The following GPR137 variants were observed in gnomAD, a reference collection of about 807,000 sequenced individuals.
GPR137 encodes integral membrane protein GPR137.
A neutral mutation model predicts 38.9 loss-of-function variants in GPR137; 20 were observed. The observed-to-expected ratio is 0.51, with a 90% CI of 0.36 to 0.75. GPR137 has a LOEUF of 0.75. Among genes scored for constraint, GPR137 ranks in the 30% least tolerant of loss-of-function variants. The pLI is 0.00. For missense variants in GPR137, 456 were observed against 526.4 expected, an observed-to-expected ratio of 0.87 and a Z score of 1.31; for synonymous variants, 226 against 235.8, an observed-to-expected ratio of 0.96 and a Z score of 0.38.
rs965128401 is a variant in GPR137 at position 64,289,458 on chromosome 11, G to A, written c.*262G>A. On this transcript the variant is annotated 3_prime_UTR_variant, in exon 7 of 7. Transcript: ENST00000438980. The stretch of plus-strand genomic sequence containing the variant: ...CACACCGGAGCCAGCTACCTCTCCT[G>A]TGCCTGCCACTCAATAAACAGTGTC... 12 of 1,501,132 alleles carry A rather than the reference G, an allele frequency of 8.0e-6. No individual in the cohort carries two copies. The highest frequency in any genetic ancestry group is 5.3e-6 in the Non-Finnish European group (6 of 1,131,284). The allele number at this position is 1,501,132 out of a possible 1,614,324, so 93.0% of individuals were successfully genotyped here.
At chr11:64,280,357 A>AATT (rs1555069790), upstream of GPR137, among the ~76,000 whole-genome samples, 2 of 134,910 alleles carry the variant, frequency 1.5e-5, no homozygotes, top group Non-Finnish European at 1.6e-5. Flanking sequence ...TAATAATAAT[A>AATT]ATTTTTTTTT....
chr11:64,285,746 C>G, upstream of GPR137: 1 of 985,352 alleles, frequency 1.0e-6, no homozygotes, highest in Non-Finnish European at 1.2e-6. Context: ...AATTCTCGTA[C>G]GGTTTCACGC....
chr11:64,287,604 A>C (rs1016868549), intron 2 of GPR137, 117 bp from the exon 3 acceptor site: 3 of 1,533,466 alleles, frequency 2.0e-6, no homozygotes, highest in Non-Finnish European at 2.6e-6. Flanking sequence ...GTGGAGGAAC[A>C]GGGCTCAGAC....
upstream of GPR137, among the ~76,000 whole-genome samples, chr11:64,280,869 A>C (rs181635142): frequency 1.7e-4 from 25 of 148,448 alleles, no homozygotes; most frequent in African/African-American, 5.5e-4. Flanking sequence ...GATTTCACCA[A>C]GTTGGCCAGG....
Position 64,288,563 on chromosome 11 carries a change from C to T in GPR137, c.913-40C>T. 1.2e-6 allele frequency: 2 copies of T among 1,613,080 alleles called. No individual in the cohort carries two copies. Among genetic ancestry groups the T allele is most frequent in the Non-Finnish European group, 1.7e-6 (2 of 1,179,454 alleles). The stretch of plus-strand genomic sequence containing the variant: ...TGGGGTTGGGCCTGGGAGGCCAGTG[C>T]AGGACAGGAGTAAGTATCGATGATG... On this transcript the variant is annotated intron_variant, in intron 5 of 6. Transcript: ENST00000438980. The surrounding 1 kb of genome is among the most constrained non-coding windows in gnomAD (Gnocchi z 5.5).
chr11:64,273,742 C>T (rs926678372), upstream of GPR137, among the ~76,000 whole-genome samples: 6 of 150,268 alleles, frequency 4.0e-5, no homozygotes, highest in Non-Finnish European at 8.9e-5. Flanking sequence ...ATTAGCCAGG[C>T]GCGGTGGCAG....
rs2033958764 is a variant in GPR137 at position 64,285,934 on chromosome 11, G to A, written c.-591G>A. ...TCAGCGGCCTGAGGACCTGGCGTCC[G>A]CCTCCTCCCTCCCCTTGAGGCTGGA... On this transcript the variant is annotated 5_prime_UTR_variant, in exon 1 of 7. Transcript: ENST00000438980. 2.1e-6 allele frequency: 2 copies of A among 961,090 alleles called. No individual in the cohort carries two copies. The highest frequency in any genetic ancestry group is 2.5e-6 in the Non-Finnish European group (2 of 807,788). 59.5% of individuals were successfully genotyped at this position (961,090 alleles called of 1,614,324 possible).
intron 1 of GPR137, among the ~76,000 whole-genome samples, chr11:64,276,180 C>T (rs1196204370): frequency 1.3e-5 from 2 of 152,054 alleles, no homozygotes; most frequent in East Asian, 3.9e-4. Flanking sequence ...AGTTTTTCAC[C>T]AAATTCGTGG....
Position 64,286,128 on chromosome 11 carries a change from C to T in GPR137, c.-397C>T, listed in dbSNP as rs1225599243. The T allele has an allele frequency of 5.2e-5, 53 of 1,013,898 alleles. No individual in the cohort carries two copies. Among genetic ancestry groups the T allele is most frequent in the Non-Finnish European group, 6.1e-5 (52 of 849,038 alleles). The allele number at this position is 1,013,898 out of a possible 1,614,324, so 62.8% of individuals were successfully genotyped here. On this transcript the variant is annotated 5_prime_UTR_variant, in exon 1 of 7. Transcript: ENST00000438980. ...CCCTCGCAGCGGCCGCTGCCCTGAC[C>T]CGACGGGTATCAGCCGGCTCTCCCC...
Position 64,286,358 on chromosome 11 carries a change from G to A in GPR137, c.-167G>A. The A allele has an allele frequency of 7.1e-7, 1 of 1,410,912 alleles. No homozygotes were observed. The highest frequency in any genetic ancestry group is 2.6e-4 in the Middle Eastern group (1 of 3,808). 87.4% of individuals were successfully genotyped at this position (1,410,912 alleles called of 1,614,324 possible). On this transcript the variant is annotated 5_prime_UTR_variant, in exon 1 of 7. Coordinates refer to ENST00000438980, the MANE Select transcript of GPR137 (RefSeq NM_001170880.2). ...GCTGCCTGTGTTCCCCAAGGGCAAGGGTCTCTCTGTTGAGGAGGAGGGGCC... is the reference window on the plus strand; with the variant it reads ...GCTGCCTGTGTTCCCCAAGGGCAAGAGTCTCTCTGTTGAGGAGGAGGGGCC...
chr11:64,282,437 AC>A (rs1458123208), upstream of GPR137, among the ~76,000 whole-genome samples: 1 of 152,156 alleles, frequency 6.6e-6, no homozygotes, highest in African/African-American at 2.4e-5. Context: ...CCCCACCTCT[AC>A]AAAAAATAAA....
In GPR137 at chr11:64,289,308, C is replaced by G; in HGVS notation, c.*112C>G. ...AGGATCCTGGGGGTCGTGGCTACCC[C>G]CTCCTCTGGCCGGCTCCTTGCTGCT... is the stretch of plus-strand genomic sequence containing the variant. On this transcript the variant is annotated 3_prime_UTR_variant, in exon 7 of 7. Coordinates refer to ENST00000438980, the MANE Select transcript of GPR137 (RefSeq NM_001170880.2). The G allele has an allele frequency of 1.9e-6, 3 of 1,612,254 alleles. No individual in the cohort carries two copies. Among genetic ancestry groups the G allele is most frequent in the Non-Finnish European group, 2.5e-6 (3 of 1,179,266 alleles).
Position 64,286,763 on chromosome 11 carries a change from A to T in GPR137, c.239A>T (p.Tyr80Phe), listed in dbSNP as rs1166793623. The T allele has an allele frequency of 6.2e-7, 1 of 1,611,390 alleles. No individual in the cohort carries two copies. Among genetic ancestry groups the T allele is most frequent in the Non-Finnish European group, 8.5e-7 (1 of 1,178,472 alleles). ...AALRTTLFSF[Y>F]FRDTPRANRL... ...TTGCGTACCACCCTCTTCTCCTTCTACTTCCGAGATACTCCCCGCGCCAAC... is the reference window on the plus strand; with the variant it reads ...TTGCGTACCACCCTCTTCTCCTTCTTCTTCCGAGATACTCCCCGCGCCAAC... The change falls in exon 1 of 7, where the codon TAC becomes TTC. Residue 80 changes from tyrosine to phenylalanine, a missense_variant. Transcript: ENST00000438980.
At chr11:64,271,611 A>T, upstream of GPR137, 1 of 1,436,914 alleles carries the variant, frequency 7.0e-7, no homozygotes. Context: ...ACTGGCGCTC[A>T]CCTTAAAGGA....
At chr11:64,287,619 T>C in intron 2 of GPR137, 102 bp from the exon 3 acceptor site, 1 of 1,563,376 alleles carries the variant, frequency 6.4e-7, no homozygotes, top group South Asian at 1.2e-5. Context: ...TCAGACTGGA[T>C]GCCCTGAGTT....
chr11:64,276,433 T>TCTCCTGC (rs2033071631), intron 2 of GPR137: 2 of 153,620 alleles, frequency 1.3e-5, no homozygotes, highest in Admixed American at 1.3e-4. Context: ...TTCAAATGAT[T>TCTCCTGC]CTCCTGCCTC....
At chr11:64,284,723 G>A, upstream of GPR137, 2 of 1,536,042 alleles carry the variant, frequency 1.3e-6, no homozygotes, top group Non-Finnish European at 1.7e-6. Context: ...AACGGGAACT[G>A]TCAGCGACCT....
In GPR137 at chr11:64,288,652, T is replaced by G; in HGVS notation, c.962T>G (p.Phe321Cys). 1.2e-6 allele frequency: 2 copies of G among 1,607,502 alleles called. No homozygotes were observed. Among genetic ancestry groups the G allele is most frequent in the Non-Finnish European group, 1.7e-6 (2 of 1,176,408 alleles). ...CAGGTCTTTGCCTCTCGGTCCTACTTCTTTGACCGGGCTGGGCACTGTGAA... is the reference window on the plus strand; with the variant it reads ...CAGGTCTTTGCCTCTCGGTCCTACTGCTTTGACCGGGCTGGGCACTGTGAA... ...NGQVFASRSY[F>C]FDRAGHCEDE... Residue 321 changes from phenylalanine (F) to cysteine (C), a missense_variant, in exon 6 of 7, where the codon TTC becomes TGC. Transcript: ENST00000438980. This position sits in a 1 kb window ranked among gnomAD's most constrained non-coding sequence, Gnocchi z 5.5.
At position 64,287,023 on chromosome 11, in the gene GPR137, T is replaced by C; in HGVS notation, c.407+9T>C. The C allele has an allele frequency of 6.2e-7, 1 of 1,612,900 alleles. No homozygotes were observed. Among genetic ancestry groups the C allele is most frequent in the Non-Finnish European group, 8.5e-7 (1 of 1,179,616 alleles). ...GAGATGAGCCGAGGCTTGTAAGTACTCGGGACACTGGTGGGCTCAGCCTCC... is the reference window on the plus strand; with the variant it reads ...GAGATGAGCCGAGGCTTGTAAGTACCCGGGACACTGGTGGGCTCAGCCTCC... On this transcript the variant is annotated intron_variant, in intron 2 of 6. Coordinates refer to ENST00000438980, the MANE Select transcript of GPR137 (RefSeq NM_001170880.2).
Sources: allele counts gnomAD v4.1 joint callset (sites outside exome capture counted in the v4.1 genomes callset), GRCh38; gene constraint gnomAD v4.1.1; non-coding constraint Gnocchi (gnomAD v3.1); transcripts MANE v1.5; gene names NCBI Gene and HGNC (gene_info 2026-07-23, HGNC 2026-07-21).